Variants in FARP2 observed in about 807,000 individuals in gnomAD.
FARP2 encodes FERM, ARH/RhoGEF and pleckstrin domain protein 2.
Under a neutral mutation model 130.5 loss-of-function variants are expected in FARP2, and 111 were observed. The observed-to-expected ratio is 0.85, with a 90% CI of 0.73 to 1.00. The LOEUF (loss-of-function observed/expected upper bound fraction) is 1.00. FARP2 is among the 50% of genes least tolerant of loss of function. The pLI, the probability that FARP2 is intolerant of heterozygous loss-of-function variation, is 0.00. For synonymous variants in FARP2, 504 were observed against 516.9 expected (o/e 0.98, Z 0.34); for missense variants, 1,385 against 1,346.3 (o/e 1.03, Z -0.45).
At position 241,434,266 on chromosome 2, in the gene FARP2, C is replaced by G. The variant is rs1038687146; in HGVS notation, c.976C>G (p.Pro326Ala). The G allele has an allele frequency of 2.5e-6, 4 of 1,613,524 alleles. No individual in the cohort carries two copies. Among genetic ancestry groups the G allele is most frequent in the Admixed American group, 3.3e-5 (2 of 59,900 alleles). The change falls in exon 10 of 27, where the codon CCT (proline) becomes GCT (alanine). Residue 326 changes from proline to alanine, a missense_variant. Transcript: ENST00000264042. Reference sequence around the variant, plus strand: ...CACCTTTTTTAGACTTTTGGACCAACCTAAGCCAAAAGCAAAAGCCGTCTT... The same window carrying G: ...CACCTTTTTTAGACTTTTGGACCAAGCTAAGCCAAAAGCAAAAGCCGTCTT... Reference protein sequence around the residue: ...YHTFFRLLDQPKPKAKAVFFS... With the variant: ...YHTFFRLLDQAKPKAKAVFFS...
At chr2:241,442,273 C>T (rs368739573) in intron 13 of FARP2, 12 of 456,620 alleles carry the variant, frequency 2.6e-5, no homozygotes, top group African/African-American at 1.4e-4. Flanking sequence ...CTACTCAGTC[C>T]GCTCTGAGTC....
In FARP2 at chr2:241,492,947, C is replaced by T; in HGVS notation, c.2806C>T (p.Leu936=). 1 of 1,609,368 alleles carries T rather than the reference C, an allele frequency of 6.2e-7. No individual in the cohort carries two copies. Among genetic ancestry groups the T allele is most frequent in the East Asian group, 2.2e-5 (1 of 44,868 alleles). The change falls in exon 25 of 27, where the codon CTG becomes TTG. Residue 936 remains leucine (L), a synonymous_variant. Transcript: ENST00000264042. ...AAVENQLSGY[L]LRKFKNSHGW... is the part of the protein sequence containing the mutation. The stretch of plus-strand genomic sequence containing the variant: ...TTGACAGAACCAGCTTTCAGGATAT[C>T]TGCTAAGAAAGTTCAAAAACAGTCA...
intron 2 of FARP2, among the ~76,000 whole-genome samples, chr2:241,381,944 G>A (rs550652604): frequency 5.3e-5 from 8 of 152,236 alleles, no homozygotes; most frequent in Middle Eastern, 6.8e-3. Flanking sequence ...ACCAATCAAC[G>A]CCATCTCTCA....
chr2:241,476,032 T>G, intron 19 of FARP2, 45 bp downstream of exon 19: 1 of 1,572,148 alleles, frequency 6.4e-7, no homozygotes, highest in Non-Finnish European at 8.6e-7. Context: ...TACTTTGGTT[T>G]TTCAATTGAG....
At chr2:241,402,878 A>ATTT (rs2062227664) in intron 2 of FARP2, among the ~76,000 whole-genome samples, 3 of 8,470 alleles carry the variant, frequency 3.5e-4, no homozygotes, top group African/African-American at 1.3e-3. Flanking sequence ...ATATATATAT[A>ATTT]TATTTTTTTT....
chr2:241,404,347 C>T (rs1011702880), intron 3 of FARP2, among the ~76,000 whole-genome samples: 2 of 152,146 alleles, frequency 1.3e-5, no homozygotes, highest in South Asian at 2.1e-4. Flanking sequence ...AGCATGTCAG[C>T]GTTATTAAGT....
chr2:241,464,673 CAG>C (rs2064123009), intron 17 of FARP2, among the ~76,000 whole-genome samples: 1 of 151,356 alleles, frequency 6.6e-6, no homozygotes, highest in African/African-American at 2.4e-5. Context: ...TCCCTCAAAA[CAG>C]AGTCCTTCTC....
intron 2 of FARP2, among the ~76,000 whole-genome samples, chr2:241,376,051 C>G (rs1260868617): frequency 6.6e-6 from 1 of 152,188 alleles, no homozygotes; most frequent in African/African-American, 2.4e-5. Flanking sequence ...AAACATGGAG[C>G]TTAAATCACA....
At chr2:241,492,475 A>C (rs950452196) in intron 24 of FARP2, among the ~76,000 whole-genome samples, 2 of 152,228 alleles carry the variant, frequency 1.3e-5, no homozygotes, top group African/African-American at 4.8e-5. Flanking sequence ...CAGCCACTCC[A>C]GCGCCAAAGC....
At chr2:241,450,694 T>G (rs949069381) in intron 13 of FARP2, among the ~76,000 whole-genome samples, 2 of 151,240 alleles carry the variant, frequency 1.3e-5, no homozygotes, top group African/African-American at 4.9e-5. Flanking sequence ...GCATGGTGGC[T>G]CACACCTGTA....
At chr2:241,485,636 G>T (rs2064734645) in intron 21 of FARP2, among the ~76,000 whole-genome samples, 1 of 137,004 alleles carries the variant, frequency 7.3e-6, no homozygotes, top group Non-Finnish European at 1.6e-5. Flanking sequence ...CCTCCCTGGA[G>T]TCCTCCCTCC....
intron 4 of FARP2, among the ~76,000 whole-genome samples, chr2:241,406,630 G>A (rs951275451): frequency 2.0e-5 from 3 of 151,590 alleles, no homozygotes; most frequent in African/African-American, 4.9e-5. Context: ...GTTTTTTTGG[G>A]GGGGAGAGGG....
chr2:241,361,833 T>G (rs908609178), intron 1 of FARP2, among the ~76,000 whole-genome samples: 1 of 152,096 alleles, frequency 6.6e-6, no homozygotes, highest in Non-Finnish European at 1.5e-5. Flanking sequence ...TAGAAATTGT[T>G]TAAATTACTA....
At position 241,434,340 on chromosome 2, in the gene FARP2, C is replaced by T. The variant is rs752268019; in HGVS notation, c.1031+19C>T. ...GATACAGGTAGGGGCCATGCCGTGG[C>T]TTGCATGGGCCCCTCACTGGTTTGT... On this transcript the variant is annotated intron_variant, in intron 10 of 26. Coordinates refer to ENST00000264042, the MANE Select transcript of FARP2 (RefSeq NM_014808.4). The T allele has an allele frequency of 2.6e-6, 4 of 1,564,478 alleles. No individual in the cohort carries two copies. Among genetic ancestry groups the T allele is most frequent in the South Asian group, 1.2e-5 (1 of 83,074 alleles).
intron 18 of FARP2, among the ~76,000 whole-genome samples, chr2:241,474,072 C>T (rs1203444778): frequency 6.6e-6 from 1 of 151,814 alleles, no homozygotes; most frequent in African/African-American, 2.4e-5. Flanking sequence ...TTTGGGAGGC[C>T]GAGGCTGGCA....
chr2:241,389,891 C>A (rs1575491647), intron 2 of FARP2, among the ~76,000 whole-genome samples: 1 of 152,170 alleles, frequency 6.6e-6, no homozygotes, highest in East Asian at 1.9e-4. Flanking sequence ...GTCATAGACT[C>A]ATTGAAATGT....
chr2:241,414,477 G>A (rs1379762897), intron 7 of FARP2, among the ~76,000 whole-genome samples: 2 of 152,220 alleles, frequency 1.3e-5, no homozygotes, highest in Non-Finnish European at 2.9e-5. Flanking sequence ...ACCGGGACCT[G>A]CTGGCAGCTG....
In FARP2 at chr2:241,423,292, G is replaced by C. The variant is rs1256309153; in HGVS notation, c.771+5183G>C. On this transcript the variant is annotated intron_variant, in intron 8 of 26. Transcript: ENST00000264042. Reference sequence around the variant, plus strand: ...AGCAGAAACCCTACAAGCCAGAAGAGATTGGGGGCCAATATTCAACATTCT... The same window carrying C: ...AGCAGAAACCCTACAAGCCAGAAGACATTGGGGGCCAATATTCAACATTCT... Among the ~76,000 whole-genome samples, 3 of 152,230 alleles carry C rather than the reference G, an allele frequency of 2.0e-5. No homozygotes were observed. The East Asian group carries it at 5.8e-4, about 29-fold the overall frequency.
chr2:241,481,194 A>C (rs1464125267), intron 19 of FARP2, among the ~76,000 whole-genome samples: 1 of 152,028 alleles, frequency 6.6e-6, no homozygotes, highest in East Asian at 1.9e-4. Context: ...GTACCACTGC[A>C]CTCCAGCCTA....
Sources: gnomAD v4.1 joint callset for allele counts (sites outside exome capture counted in the v4.1 genomes callset) on GRCh38, gnomAD v4.1.1 for gene constraint, MANE v1.5 for transcripts, NCBI Gene and HGNC (gene_info 2026-07-23, HGNC 2026-07-21) for gene names.